INPP5A: variants seen among roughly 807,000 people sequenced by gnomAD.
The protein encoded by INPP5A is inositol polyphosphate-5-phosphatase A, also known as 43 kDa inositol polyphosphate 5-phophatase.
In INPP5A, 14 loss-of-function variants were observed where a neutral mutation model predicts 65.2. The observed-to-expected ratio is 0.21, with a 90% CI of 0.14 to 0.34. INPP5A has a LOEUF of 0.34. INPP5A is among the 10% of genes least tolerant of loss of function. The pLI, the probability that INPP5A is intolerant of heterozygous loss-of-function variation, is 1.00. For synonymous variants in INPP5A, 207 were observed against 208.3 expected (o/e 0.99, Z 0.05); for missense variants, 431 against 545.6 (o/e 0.79, Z 2.09).
intron 13 of INPP5A, among the ~76,000 whole-genome samples, chr10:132,779,341 C>T (rs1847118686): frequency 6.6e-6 from 1 of 152,258 alleles, no homozygotes; most frequent in South Asian, 2.1e-4. Flanking sequence ...CATGTGGAGC[C>T]CAGGGCTGCC....
chr10:132,719,141 G>C (rs1590953039), intron 8 of INPP5A, among the ~76,000 whole-genome samples: 1 of 147,500 alleles, frequency 6.8e-6, no homozygotes, highest in African/African-American at 2.5e-5. Context: ...TGTGGTACCT[G>C]GGTTCTGTCT....
At chr10:132,567,288 C>T (rs1271439931) in intron 1 of INPP5A, among the ~76,000 whole-genome samples, 1 of 152,230 alleles carries the variant, frequency 6.6e-6, no homozygotes, top group Non-Finnish European at 1.5e-5. Flanking sequence ...CAAAATAACT[C>T]TCTTTTACTT....
chr10:132,585,988 G>A (rs2071540635), intron 1 of INPP5A, among the ~76,000 whole-genome samples: 2 of 152,186 alleles, frequency 1.3e-5, no homozygotes, highest in African/African-American at 4.8e-5. Context: ...CACCTCCTTG[G>A]AACTGGAGGC....
In INPP5A at chr10:132,616,062, G is replaced by T. The variant is rs552462854; in HGVS notation, c.117+8106G>T. 2.6e-5 allele frequency among the ~76,000 whole-genome samples: 4 copies of T among 152,308 alleles called. 1 individual carries two copies. On this transcript the variant is annotated intron_variant, in intron 2 of 15. Transcript: ENST00000368594. This position sits in a 1 kb window ranked among gnomAD's most constrained non-coding sequence, Gnocchi z 4.9. ...CCGGGTCCTGTGGGGAGCGGTGAGG[G>T]ATGGTCGTGTGCGTCGTTTTAGGAG... is the stretch of plus-strand genomic sequence containing the variant.
chr10:132,657,341 T>C (rs1208812849), intron 4 of INPP5A, among the ~76,000 whole-genome samples: 3 of 152,244 alleles, frequency 2.0e-5, no homozygotes, highest in African/African-American at 7.2e-5. Flanking sequence ...TGGACTCTGC[T>C]CGCGCCTTGG....
rs774668350 is a variant in INPP5A, at chr10:132,645,875, A to G, written c.125A>G (p.His42Arg). Reference sequence around the variant, plus strand: ...GTGCTTCTCTCCCTCCAGGTCGTGCACACACACAAGCCGCACTTCATGGCC... The same window carrying G: ...GTGCTTCTCTCCCTCCAGGTCGTGCGCACACACAAGCCGCACTTCATGGCC... ...NWLREFYQVV[H>R]THKPHFMALH... The change falls in exon 3 of 16, where the codon CAC becomes CGC. Residue 42 changes from histidine to arginine, a missense_variant. His to Arg is a conservative substitution (Grantham distance 29). Transcript: ENST00000368594. The G allele has an allele frequency of 6.2e-7, 1 of 1,612,886 alleles. No individual in the cohort carries two copies. Among genetic ancestry groups the G allele is most frequent in the South Asian group, 1.1e-5 (1 of 90,990 alleles).
rs550241214 is a variant in INPP5A at position 132,751,545 on chromosome 10, G to A, written c.903+1700G>A. 3.3e-5 allele frequency among the ~76,000 whole-genome samples: 5 copies of A among 152,370 alleles called. 1 individual carries two copies. The highest frequency in any genetic ancestry group is 2.1e-4 in the South Asian group (1 of 4,820). ...ATGCTTCCAGCTACAGGACACTCCC[G>A]GGTGGCGCATCCCGGCCTCGTCAGT... On this transcript the variant is annotated intron_variant, in intron 11 of 15. Transcript: ENST00000368594.
chr10:132,583,552 TA>T (rs896161067), intron 1 of INPP5A, among the ~76,000 whole-genome samples: 2,667 of 148,064 alleles, frequency 0.018, 66 homozygotes, highest in African/African-American at 0.059. Flanking sequence ...ATTGTTCCTT[TA>T]AAAAAAAAAA....
At chr10:132,776,899 G>C (rs144780600) in intron 12 of INPP5A, among the ~76,000 whole-genome samples, 22 of 152,324 alleles carry the variant, frequency 1.4e-4, no homozygotes, top group Non-Finnish European at 2.4e-4. Context: ...GCTCTGCTGT[G>C]TGAGGGCGGG....
chr10:132,764,736 ACGGT>A (rs1228896199), intron 11 of INPP5A, among the ~76,000 whole-genome samples: 4 of 125,482 alleles, frequency 3.2e-5, no homozygotes, highest in South Asian at 2.8e-4. Flanking sequence ...ACTCAGGAAC[ACGGT>A]CGGGCCAGTC....
chr10:132,676,830 A>G lies in INPP5A; in HGVS notation c.307-13562A>G, dbSNP rs935218983. ...CTCTCCACAGTAGTAGCCTCAGTCC[A>G]GTGCTTGACCCTGCCCTTTTCTCTG... is the stretch of plus-strand genomic sequence containing the variant. On this transcript the variant is annotated intron_variant, in intron 4 of 15. Coordinates refer to ENST00000368594, the MANE Select transcript of INPP5A (RefSeq NM_005539.5). This position sits in a 1 kb window ranked among gnomAD's most constrained non-coding sequence, Gnocchi z 4.0. Among the ~76,000 whole-genome samples the G allele has an allele frequency of 5.3e-5, 8 of 152,176 alleles. No homozygotes were observed. The highest frequency in any genetic ancestry group is 1.9e-4 in the African/African-American group (8 of 41,438).
At chr10:132,561,841 G>A (rs768437949) in intron 1 of INPP5A, among the ~76,000 whole-genome samples, 1 of 151,962 alleles carries the variant, frequency 6.6e-6, no homozygotes, top group Non-Finnish European at 1.5e-5. Context: ...GGGTTGCGTT[G>A]GATCTGTAGA....
At chr10:132,632,424 A>C (rs1002199642) in intron 2 of INPP5A, among the ~76,000 whole-genome samples, 1 of 152,150 alleles carries the variant, frequency 6.6e-6, no homozygotes, top group African/African-American at 2.4e-5. Flanking sequence ...CACTCTGTCC[A>C]GCCTGTGCTG....
chr10:132,537,924 A>G lies in INPP5A; in HGVS notation c.-173A>G, dbSNP rs2070859238. 5.2e-6 allele frequency: 1 copy of G among 193,358 alleles called. No homozygotes were observed. The highest frequency in any genetic ancestry group is 1.0e-5 in the Non-Finnish European group (1 of 96,938). 12.0% of individuals were successfully genotyped at this position (193,358 alleles called of 1,614,324 possible). On this transcript the variant is annotated 5_prime_UTR_variant, in exon 1 of 16. Coordinates refer to ENST00000368594, the MANE Select transcript of INPP5A (RefSeq NM_005539.5). ...AGCAGCGAGCGAGCGAGCGAGCGCG[A>G]GGCCGGAGCCCCGGCCAGGCCCGGC...
At chr10:132,605,095 G>A (rs1211146532) in intron 1 of INPP5A, among the ~76,000 whole-genome samples, 1 of 151,422 alleles carries the variant, frequency 6.6e-6, no homozygotes, top group Non-Finnish European at 1.5e-5. Context: ...GACAGAGCAG[G>A]GAGATCCCTG....
In INPP5A at chr10:132,757,449, G is replaced by T. The variant is rs147731860; in HGVS notation, c.903+7604G>T. 2.1e-3 allele frequency among the ~76,000 whole-genome samples: 320 copies of T among 152,386 alleles called. 1 individual carries two copies. Among genetic ancestry groups the T allele is most frequent in the African/African-American group, 7.0e-3 (291 of 41,596 alleles). The stretch of plus-strand genomic sequence containing the variant: ...CTTACAGTGTGTTACGCCACCTGCG[G>T]TGGTCGGTGGCCTGCTGTGCGGGTC... On this transcript the variant is annotated intron_variant, in intron 11 of 15. Coordinates refer to ENST00000368594, the MANE Select transcript of INPP5A (RefSeq NM_005539.5).
At chr10:132,615,293 T>C (rs1396697216) in intron 2 of INPP5A, among the ~76,000 whole-genome samples, 1 of 152,206 alleles carries the variant, frequency 6.6e-6, no homozygotes, top group Non-Finnish European at 1.5e-5. Context: ...GTCTTCCAAG[T>C]GTGGCGTCCG....
chr10:132,671,356 G>A (rs1295098918), intron 4 of INPP5A, among the ~76,000 whole-genome samples: 2 of 149,258 alleles, frequency 1.3e-5, no homozygotes, highest in African/African-American at 2.5e-5. Flanking sequence ...TCCCTGCTTC[G>A]GACTCCGCCC....
chr10:132,725,580 C>T (rs1176825226), intron 8 of INPP5A, among the ~76,000 whole-genome samples: 3 of 152,232 alleles, frequency 2.0e-5, no homozygotes, highest in African/African-American at 4.8e-5. Flanking sequence ...CCCTGCCTCC[C>T]GGCCTCATCC....
Sources: allele counts gnomAD v4.1 joint callset (sites outside exome capture counted in the v4.1 genomes callset), GRCh38; gene constraint gnomAD v4.1.1; non-coding constraint Gnocchi (gnomAD v3.1); transcripts MANE v1.5; gene names NCBI Gene and HGNC (gene_info 2026-07-23, HGNC 2026-07-21).